The following PLEKHA8 variants were observed in gnomAD, a reference collection of about 807,000 sequenced individuals.
The protein encoded by PLEKHA8 is pleckstrin homology domain containing A8, also known as pleckstrin homology domain-containing family A member 8.
A neutral mutation model predicts 68.2 loss-of-function variants in PLEKHA8; 36 were observed. That is an observed-to-expected ratio of 0.53 (90% CI 0.40 to 0.70). The LOEUF (loss-of-function observed/expected upper bound fraction) is 0.70, where lower values mean the gene tolerates loss of function less well. PLEKHA8 is among the 30% of genes least tolerant of loss of function. The pLI, the probability that PLEKHA8 is intolerant of heterozygous loss-of-function variation, is 0.00. For synonymous variants in PLEKHA8, 211 were observed against 216.1 expected (o/e 0.98, Z 0.20); for missense variants, 505 against 615.4 (o/e 0.82, Z 1.90).
In PLEKHA8 at chr7:30,050,540, A is replaced by T. The variant is rs188356395; in HGVS notation, c.638+66A>T. Reference sequence around the variant, plus strand: ...ATAAGGATATTGTTATTCCTTGTTTAAAAAAAGATACTTTGATCTTGTAAT... The same window carrying T: ...ATAAGGATATTGTTATTCCTTGTTTTAAAAAAGATACTTTGATCTTGTAAT... On this transcript the variant is annotated intron_variant, in intron 6 of 13. Coordinates refer to ENST00000449726, the MANE Select transcript of PLEKHA8 (RefSeq NM_001197026.2). 5.6e-4 allele frequency: 798 copies of T among 1,435,354 alleles called. 5 individuals are homozygous for T. The African/African-American group carries it at 0.01, about 19-fold the overall frequency. 88.9% of individuals were successfully genotyped at this position (1,435,354 alleles called of 1,614,324 possible).
intron 13 of PLEKHA8, among the ~76,000 whole-genome samples, chr7:30,116,237 T>C (rs1448451566): frequency 6.7e-6 from 1 of 149,022 alleles, no homozygotes; most frequent in Non-Finnish European, 1.5e-5. Context: ...TATACATGTA[T>C]GCGTATACAT....
intron 4 of PLEKHA8, among the ~76,000 whole-genome samples, chr7:30,048,174 CAA>C (rs1792111330): frequency 6.6e-6 from 1 of 151,572 alleles, no homozygotes; most frequent in African/African-American, 2.4e-5. Context: ...CAAAATTAAA[CAA>C]AGAGAAGCAA....
In PLEKHA8 at chr7:30,049,233, G is replaced by A; in HGVS notation, c.448G>A (p.Asp150Asn). Residue 150 changes from aspartate (D) to asparagine (N), a missense_variant, in exon 5 of 14, where the codon GAT (aspartate) becomes AAT (asparagine). Coordinates refer to ENST00000449726, the MANE Select transcript of PLEKHA8 (RefSeq NM_001197026.2). ...TCTGGTTGTTTCGTAGGAGGGAATT[G>A]ATGTGGGAACTTTGCTGAAATCAAC... Reference protein sequence around the residue: ...TGVSNSEEGIDVGTLLKSTCN... With the variant: ...TGVSNSEEGINVGTLLKSTCN... The A allele has an allele frequency of 6.2e-7, 1 of 1,613,836 alleles. No individual in the cohort carries two copies. Among genetic ancestry groups the A allele is most frequent in the Non-Finnish European group, 8.5e-7 (1 of 1,179,986 alleles).
chr7:30,115,982 A>G (rs541715853), intron 13 of PLEKHA8: 1 of 139,566 alleles, frequency 7.2e-6, no homozygotes, highest in Non-Finnish European at 1.6e-5. Context: ...GCATGCATGC[A>G]TGTATGCATA....
rs1793914108 is a variant in PLEKHA8 at position 30,067,254 on chromosome 7, G to T, written c.1300+4512G>T. 2.6e-5 allele frequency among the ~76,000 whole-genome samples: 4 copies of T among 152,330 alleles called. No homozygotes were observed. In the South Asian group the frequency reaches 8.3e-4, roughly 32 times the overall value. On this transcript the variant is annotated intron_variant, in intron 12 of 13. Coordinates refer to ENST00000449726, the MANE Select transcript of PLEKHA8 (RefSeq NM_001197026.2). The stretch of plus-strand genomic sequence containing the variant: ...GGAGGCCAAGGCAGGCAGATCACTT[G>T]AGCTCACAAGTTCAAGACCAGCCTG...
At chr7:30,068,330 TA>T (rs1276199128) in intron 12 of PLEKHA8, among the ~76,000 whole-genome samples, 1 of 152,264 alleles carries the variant, frequency 6.6e-6, no homozygotes, top group East Asian at 1.9e-4. Context: ...CTCCAAAGTC[TA>T]TAATTACCAG....
At chr7:30,114,919 A>G (rs763722680) in intron 13 of PLEKHA8, among the ~76,000 whole-genome samples, 6 of 152,112 alleles carry the variant, frequency 3.9e-5, no homozygotes, top group Non-Finnish European at 7.4e-5. Context: ...CTCAGAGGAC[A>G]TTTTTCCCCA....
chr7:30,080,368 A>C lies in PLEKHA8; in HGVS notation c.*1581A>C, dbSNP rs1794864710. 2.0e-6 allele frequency: 2 copies of C among 985,190 alleles called. No individual in the cohort carries two copies. Among genetic ancestry groups the C allele is most frequent in the South Asian group, 9.4e-5 (2 of 21,286 alleles). The allele number at this position is 985,190 out of a possible 1,614,324, so 61.0% of individuals were successfully genotyped here. A position where few individuals can be genotyped will look rare whatever the true frequency, so the allele number is the denominator to read the frequency against. On this transcript the variant is annotated 3_prime_UTR_variant, in exon 14 of 14. Coordinates refer to ENST00000449726, the MANE Select transcript of PLEKHA8 (RefSeq NM_001197026.2). ...AGGCTACTTCCTTCTAGTAACAGGA[A>C]GGGAAGTTCCAGCATGAGGTAGTTA...
chr7:30,089,904 A>G (rs954052951), intron 12 of PLEKHA8, among the ~76,000 whole-genome samples: 2 of 152,220 alleles, frequency 1.3e-5, no homozygotes, highest in South Asian at 4.1e-4. Flanking sequence ...AGCAAAAAAC[A>G]TGGTTGAAAA....
At chr7:30,099,117 A>C (rs1795750220) in intron 13 of PLEKHA8, among the ~76,000 whole-genome samples, 1 of 152,160 alleles carries the variant, frequency 6.6e-6, no homozygotes, top group South Asian at 2.1e-4. Context: ...AAATATCTCA[A>C]ATTTCAGAAA....
At chr7:30,119,752 T>C (rs774823154) in intron 13 of PLEKHA8, among the ~76,000 whole-genome samples, 13 of 152,234 alleles carry the variant, frequency 8.5e-5, no homozygotes, top group Non-Finnish European at 1.8e-4. Context: ...AGCCACCATT[T>C]TGCTGCATCA....
At position 30,080,815 on chromosome 7, in the gene PLEKHA8, C is replaced by G. The variant is rs374288743; in HGVS notation, c.*2028C>G. ...TGGCAGGACTCGGGGATAGTCCCTG[C>G]CCTTGACATAGCCCCCTAAAACGGA... On this transcript the variant is annotated 3_prime_UTR_variant, in exon 14 of 14. Coordinates refer to ENST00000449726, the MANE Select transcript of PLEKHA8 (RefSeq NM_001197026.2). 2.0e-5 allele frequency: 20 copies of G among 985,314 alleles called. No homozygotes were observed. In the South Asian group the frequency reaches 8.0e-4, roughly 39 times the overall value. The allele number at this position is 985,314 out of a possible 1,614,324, so 61.0% of individuals were successfully genotyped here.
intron 3 of PLEKHA8, among the ~76,000 whole-genome samples, chr7:30,046,999 C>T (rs554804599): frequency 6.6e-6 from 1 of 152,338 alleles, no homozygotes; most frequent in South Asian, 2.1e-4. Context: ...CTAGTTGCTA[C>T]CTTCCCTGCC....
chr7:30,083,092 A>G lies in PLEKHA8; in HGVS notation c.*4305A>G, dbSNP rs1348484483. ...ATTTTTAGATGTAGAGTTTATAAGT[A>G]AAATATATTTTTAGCCATTGTTCTG... On this transcript the variant is annotated 3_prime_UTR_variant, in exon 14 of 14. Coordinates refer to ENST00000449726, the MANE Select transcript of PLEKHA8 (RefSeq NM_001197026.2). 8 of 983,782 alleles carry G rather than the reference A, an allele frequency of 8.1e-6. No homozygotes were observed. Among genetic ancestry groups the G allele is most frequent in the Non-Finnish European group, 9.7e-6 (8 of 828,484 alleles). 60.9% of individuals were successfully genotyped at this position (983,782 alleles called of 1,614,324 possible). A position where few individuals can be genotyped will look rare whatever the true frequency, so the allele number is the denominator to read the frequency against.
At chr7:30,129,187 G>A in intron 13 of PLEKHA8, 1 of 1,597,948 alleles carries the variant, frequency 6.3e-7, no homozygotes, top group South Asian at 1.1e-5. Context: ...TATGTAACAG[G>A]AAGTTGCTGG....
Position 30,055,245 on chromosome 7 carries a change from C to T in PLEKHA8, c.954-12C>T. On this transcript the variant is annotated splice_polypyrimidine_tract_variant and intron_variant, in intron 8 of 13. Coordinates refer to ENST00000449726, the MANE Select transcript of PLEKHA8 (RefSeq NM_001197026.2). The stretch of plus-strand genomic sequence containing the variant: ...TTCAATCTTTTCTCCTCCATATCAC[C>T]AAATTATGTAGCTTTAGTGACATTG... 6.2e-7 allele frequency: 1 copy of T among 1,611,754 alleles called. No individual in the cohort carries two copies. Among genetic ancestry groups the T allele is most frequent in the Non-Finnish European group, 8.5e-7 (1 of 1,177,858 alleles).
chr7:30,036,233 C>T (rs1198923449), intron 1 of PLEKHA8, among the ~76,000 whole-genome samples: 2 of 151,954 alleles, frequency 1.3e-5, no homozygotes, highest in Admixed American at 6.6e-5. Context: ...AAGATCACAC[C>T]TGTGTTCCAG....
At chr7:30,126,335 G>A (rs1450032617) in intron 13 of PLEKHA8, among the ~76,000 whole-genome samples, 1 of 152,188 alleles carries the variant, frequency 6.6e-6, no homozygotes, top group East Asian at 1.9e-4. Flanking sequence ...GTATCTCTTA[G>A]ATAACTCTCA....
intron 13 of PLEKHA8, 136 bp downstream of exon 13, chr7:30,074,268 G>GTGTGTGTGTA: frequency 1.5e-6 from 1 of 652,468 alleles, no homozygotes. Context: ...GTGTGTGTGT[G>GTGTGTGTGTA]TGTGTATGTG....
Sources: gnomAD v4.1 joint callset for allele counts (sites outside exome capture counted in the v4.1 genomes callset) on GRCh38, gnomAD v4.1.1 for gene constraint, MANE v1.5 for transcripts, NCBI Gene and HGNC (gene_info 2026-07-23, HGNC 2026-07-21) for gene names.